The following NOX5 variants were observed in gnomAD, a reference collection of about 807,000 sequenced individuals.
NOX5 encodes the protein NADPH oxidase 5.
Under a neutral mutation model 85.7 loss-of-function variants are expected in NOX5, and 76 were observed. That is an observed-to-expected ratio of 0.89 (90% CI 0.74 to 1.07). NOX5 has a LOEUF of 1.07. NOX5 is among the 50% of genes least tolerant of loss of function. The pLI, the probability that NOX5 is intolerant of heterozygous loss-of-function variation, is 0.00. For synonymous variants in NOX5, 405 were observed against 401.4 expected, an observed-to-expected ratio of 1.01 and a Z score of -0.11; for missense variants, 973 against 999.5, an observed-to-expected ratio of 0.97 and a Z score of 0.36.
intron 7 of NOX5, among the ~76,000 whole-genome samples, chr15:69,036,383 T>C (rs1270231667): frequency 6.6e-6 from 1 of 152,220 alleles, no homozygotes; most frequent in African/African-American, 2.4e-5. Context: ...TCCTAGCACA[T>C]AGGTGCTCTG....
intron 1 of NOX5, chr15:69,022,979 T>G: frequency 2.0e-6 from 1 of 512,252 alleles, no homozygotes; most frequent in Non-Finnish European, 4.0e-6. Context: ...TCAAGTTGTT[T>G]GATAGCCTCA....
intron 10 of NOX5, 58 bp from the exon 11 acceptor site, chr15:69,046,764 A>C: frequency 2.6e-6 from 4 of 1,534,318 alleles, no homozygotes; most frequent in Non-Finnish European, 3.6e-6. Context: ...GAAACTTCTA[A>C]GAAATCCCTA....
At chr15:69,038,816 G>A in intron 8 of NOX5, 41 bp from the exon 9 acceptor site, 1 of 1,613,948 alleles carries the variant, frequency 6.2e-7, no homozygotes, top group Non-Finnish European at 8.5e-7. Context: ...TGGTGGCTTT[G>A]GGCCTGCAGG....
At chr15:69,032,929 G>A (rs1798017322) in intron 4 of NOX5, 114 bp from the exon 5 acceptor site, 2 of 1,409,718 alleles carry the variant, frequency 1.4e-6, no homozygotes, top group Admixed American at 2.7e-5. Flanking sequence ...TGTGAAGAAA[G>A]CCGGCCTGCT....
At position 69,058,648 on chromosome 15, in the gene NOX5, T is replaced by C. The variant is rs2050842504; in HGVS notation, c.*1952T>C. On this transcript the variant is annotated 3_prime_UTR_variant, in exon 16 of 16. Coordinates refer to ENST00000388866, the MANE Select transcript of NOX5 (RefSeq NM_024505.4). The stretch of plus-strand genomic sequence containing the variant: ...GAGTCAGCAAGGCCAGGAGACCTGG[T>C]GTTGGGGCCTTCCAACCAGATCGTG... 6.6e-6 allele frequency: 1 copy of C among 152,108 alleles called. No individual in the cohort carries two copies. Among genetic ancestry groups the C allele is most frequent in the South Asian group, 2.1e-4 (1 of 4,828 alleles). The allele number at this position is 152,108 out of a possible 1,614,324, so 9.4% of individuals were successfully genotyped here.
rs139897974 is a variant in NOX5 at position 69,055,350 on chromosome 15, G to A, written c.2016G>A (p.Leu672=). ...GCCCAACAGGCCGCTTCCTGGAGCT[G>A]CATATGTACATGACATCTGCACTGG... The part of the protein sequence containing the change: ...EEAQYGRFLE[L]HMYMTSALGK... The change falls in exon 15 of 16, where the codon CTG becomes CTA. Residue 672 remains leucine (L), a synonymous_variant. Coordinates refer to ENST00000388866, the MANE Select transcript of NOX5 (RefSeq NM_024505.4). 3.1e-6 allele frequency: 5 copies of A among 1,614,002 alleles called. No homozygotes were observed. Among genetic ancestry groups the A allele is most frequent in the African/African-American group, 2.7e-5 (2 of 74,936 alleles).
At chr15:69,031,967 C>T (rs1248876150) in intron 4 of NOX5, among the ~76,000 whole-genome samples, 155 bp downstream of exon 4, 1 of 152,036 alleles carries the variant, frequency 6.6e-6, no homozygotes, top group Non-Finnish European at 1.5e-5. Flanking sequence ...TGCAGGGCAG[C>T]TGTCTTCATT....
At chr15:69,016,944 A>AT (rs2050238494) in intron 1 of NOX5, among the ~76,000 whole-genome samples, 1 of 152,160 alleles carries the variant, frequency 6.6e-6, no homozygotes, top group Non-Finnish European at 1.5e-5. Context: ...AGTTCAGGCC[A>AT]TCATGGGAAG....
Position 69,047,487 on chromosome 15 carries a change from A to T in NOX5, c.1767A>T (p.Ala589=). The T allele has an allele frequency of 6.2e-7, 1 of 1,613,998 alleles. No homozygotes were observed. Among genetic ancestry groups the T allele is most frequent in the Admixed American group, 1.7e-5 (1 of 59,998 alleles). ...FASEHAVLIG[A]GIGITPFASI... ...CTGAGCATGCCGTGCTCATCGGGGCAGGCATCGGCATCACCCCCTTTGCTT... is the reference window on the plus strand; with the variant it reads ...CTGAGCATGCCGTGCTCATCGGGGCTGGCATCGGCATCACCCCCTTTGCTT... The change falls in exon 12 of 16, where the codon GCA becomes GCT. Residue 589 remains alanine (A), a synonymous_variant. Transcript: ENST00000388866.
In NOX5 at chr15:69,031,680, A is replaced by T. The variant is rs1342566802; in HGVS notation, c.488A>T (p.Asp163Val). 5 of 1,613,242 alleles carry T rather than the reference A, an allele frequency of 3.1e-6. No homozygotes were observed. In the African/African-American group the frequency reaches 6.7e-5, roughly 22 times the overall value. ...CLRESAISLP[D>V]EKLDQLTLAL... ...CGCGAGAGCGCCATCTCGCTGCCTG[A>T]CGAGAAGCTGGACCAGCTGACGCTG... is the stretch of plus-strand genomic sequence containing the variant. Residue 163 changes from aspartate to valine, a missense_variant, in exon 4 of 16, where the codon GAC (aspartate) becomes GTC (valine). Coordinates refer to ENST00000388866, the MANE Select transcript of NOX5 (RefSeq NM_024505.4).
chr15:69,035,516 T>G lies in NOX5; in HGVS notation c.1009+9T>G. On this transcript the variant is annotated intron_variant, in intron 6 of 15. Transcript: ENST00000388866. ...TCACACTGTGAACTTTGGTGAGTGATCTGGGGCAGGGTTGGGTCGGGGAGA... is the reference window on the plus strand; with the variant it reads ...TCACACTGTGAACTTTGGTGAGTGAGCTGGGGCAGGGTTGGGTCGGGGAGA... 2 of 1,613,964 alleles carry G rather than the reference T, an allele frequency of 1.2e-6. No individual in the cohort carries two copies. Among genetic ancestry groups the G allele is most frequent in the East Asian group, 2.2e-5 (1 of 44,882 alleles).
intron 5 of NOX5, 146 bp downstream of exon 5, chr15:69,033,423 GGAGGACGCC>G: frequency 2.3e-6 from 2 of 855,228 alleles, no homozygotes; most frequent in Non-Finnish European, 3.5e-6. Context: ...GCTCAGAGTT[GGAGGACGCC>G]GCCCAGAGAG....
intron 15 of NOX5, among the ~76,000 whole-genome samples, chr15:69,056,234 T>C (rs1344424749): frequency 1.3e-5 from 2 of 152,162 alleles, no homozygotes; most frequent in African/African-American, 4.8e-5. Context: ...CAGAGCACTG[T>C]ATGCATCTCT....
intron 10 of NOX5, chr15:69,043,513 A>G (rs2050622665): frequency 6.6e-6 from 1 of 152,410 alleles, no homozygotes; most frequent in Middle Eastern, 3.4e-3. Flanking sequence ...GCCCAACCCT[A>G]CCTTGCCATT....
chr15:69,030,085 C>T (rs1394546023), intron 3 of NOX5: 3 of 152,164 alleles, frequency 2.0e-5, no homozygotes, highest in African/African-American at 7.2e-5. Context: ...CTGTATGTAT[C>T]ATGCAGCATC....
In NOX5 at chr15:69,038,745, G is replaced by A. The variant is rs113899994; in HGVS notation, c.1372-112G>A. ...GCACAGAAGAGTGTCATGTCTCGGG[G>A]CATGCCTGTTTTATGGAGGAGGAGG... On this transcript the variant is annotated intron_variant, in intron 8 of 15. Transcript: ENST00000388866. 8 of 1,435,316 alleles carry A rather than the reference G, an allele frequency of 5.6e-6. No individual in the cohort carries two copies. The Admixed American group carries it at 1.1e-4, about 19-fold the overall frequency. The allele number at this position is 1,435,316 out of a possible 1,614,324, so 88.9% of individuals were successfully genotyped here. A position where few individuals can be genotyped will look rare whatever the true frequency, so the allele number is the denominator to read the frequency against.
At chr15:69,048,099 C>A (rs909857595) in intron 13 of NOX5, among the ~76,000 whole-genome samples, 188 bp downstream of exon 13, 9 of 152,244 alleles carry the variant, frequency 5.9e-5, no homozygotes, top group African/African-American at 2.2e-4. Context: ...CTGAGCTCCG[C>A]CCCTGCTTCA....
At chr15:69,024,982 T>C (rs779129659) in intron 1 of NOX5, among the ~76,000 whole-genome samples, 1 of 152,224 alleles carries the variant, frequency 6.6e-6, no homozygotes, top group Non-Finnish European at 1.5e-5. Flanking sequence ...AACTATTACA[T>C]TTATTTTTAA....
chr15:69,035,769 C>G lies in NOX5; in HGVS notation c.1021C>G (p.Gln341Glu). 2 of 1,614,004 alleles carry G rather than the reference C, an allele frequency of 1.2e-6. No individual in the cohort carries two copies. The highest frequency in any genetic ancestry group is 1.7e-6 in the Non-Finnish European group (2 of 1,179,950). Residue 341 changes from glutamine to glutamate, a missense_variant, in exon 7 of 16, where the codon CAG becomes GAG. Gln to Glu is a conservative substitution (Grantham distance 29, BLOSUM62 2). Transcript: ENST00000388866. Reference protein sequence around the residue: ...AHTVNFVLQAQAEASPFQFWE... With the variant: ...AHTVNFVLQAEAEASPFQFWE... ...GAGCTTGTTTCCAGTACTCCAGGCTCAGGCGGAGGCCAGCCCTTTCCAGTT... is the reference window on the plus strand; with the variant it reads ...GAGCTTGTTTCCAGTACTCCAGGCTGAGGCGGAGGCCAGCCCTTTCCAGTT...
Sources: allele counts gnomAD v4.1 joint callset (sites outside exome capture counted in the v4.1 genomes callset), GRCh38; gene constraint gnomAD v4.1.1; transcripts MANE v1.5; gene names NCBI Gene and HGNC (gene_info 2026-07-23, HGNC 2026-07-21).